SENP5: variants seen among roughly 807,000 people sequenced by gnomAD.
SENP5 encodes the protein SUMO specific peptidase 5.
SENP5 carries 21 observed loss-of-function variants against 74.2 expected under a neutral mutation model. The observed-to-expected ratio is 0.28, with a 90% CI of 0.20 to 0.41. SENP5 has a LOEUF of 0.41. Among genes scored for constraint, SENP5 ranks in the 10% least tolerant of loss-of-function variants. The pLI is 1.00. For missense variants in SENP5, 717 were observed against 889.1 expected, an observed-to-expected ratio of 0.81 and a Z score of 2.46; for synonymous variants, 311 against 312.7, an observed-to-expected ratio of 0.99 and a Z score of 0.06.
At chr3:196,878,156 A>G (rs1034565377) in intron 1 of SENP5, among the ~76,000 whole-genome samples, 1 of 152,222 alleles carries the variant, frequency 6.6e-6, no homozygotes, top group East Asian at 1.9e-4. Context: ...TCCTAAACCA[A>G]CAGTGGAGAG....
Position 196,885,669 on chromosome 3 carries a change from C to T in SENP5, c.488C>T (p.Pro163Leu). The T allele has an allele frequency of 1.2e-6, 2 of 1,614,218 alleles. No homozygotes were observed. Among genetic ancestry groups the T allele is most frequent in the African/African-American group, 1.3e-5 (1 of 75,066 alleles). Residue 163 changes from proline (P) to leucine (L), a missense_variant, in exon 2 of 10, where the codon CCT becomes CTT. This residue lies in a region of SENP5 where 567 missense variants were observed against 577.4 expected (regional missense o/e 0.98). Transcript: ENST00000323460. Reference protein sequence around the residue: ...NGHRPRTDPQPSDFPMKFNGE... With the variant: ...NGHRPRTDPQLSDFPMKFNGE... The stretch of plus-strand genomic sequence containing the variant: ...CACAGACCTAGGACAGACCCACAAC[C>T]TTCTGACTTTCCCATGAAGTTCAAT...
At chr3:196,893,909 C>CAAAAAAA (rs35131152) in intron 2 of SENP5, among the ~76,000 whole-genome samples, 1 of 119,886 alleles carries the variant, frequency 8.3e-6, no homozygotes, top group Non-Finnish European at 1.7e-5. Flanking sequence ...GACTCTGTCT[C>CAAAAAAA]AAAAAAAAAA....
intron 7 of SENP5, among the ~76,000 whole-genome samples, chr3:196,927,541 T>G (rs1363124112): frequency 6.6e-6 from 1 of 151,098 alleles, no homozygotes; most frequent in African/African-American, 2.4e-5. Context: ...AAGGCTGAGG[T>G]AGGAGGATCT....
chr3:196,870,881 G>A (rs1488575199), intron 1 of SENP5, among the ~76,000 whole-genome samples: 2 of 151,996 alleles, frequency 1.3e-5, no homozygotes, highest in Non-Finnish European at 2.9e-5. Context: ...GATTTAAAAA[G>A]TCATGTTGGC....
Position 196,930,839 on chromosome 3 carries a change from G to C in SENP5, c.2184G>C (p.Gln728His). The C allele has an allele frequency of 6.2e-7, 1 of 1,613,998 alleles. No homozygotes were observed. Residue 728 changes from glutamine (Q) to histidine (H), a missense_variant, in exon 10 of 10, where the codon CAG becomes CAC. Physicochemically the swap from Gln to His is conservative, Grantham distance 24 (BLOSUM62 0). Around this residue, in one of 4 missense-constraint regions of SENP5, gnomAD observed 85 missense variants for 188.9 expected, o/e 0.45. Transcript: ENST00000323460. ...ACTGCAAGTGCCTCGCCTTAGAGCA[G>C]CCTTTCCAGTTTTCACAAGAAGACA... ...LQYCKCLALE[Q>H]PFQFSQEDMP...
chr3:196,931,101 T>G lies in SENP5; in HGVS notation c.*178T>G, dbSNP rs1013221498. 1 of 576,622 alleles carries G rather than the reference T, an allele frequency of 1.7e-6. No homozygotes were observed. Among genetic ancestry groups the G allele is most frequent in the Non-Finnish European group, 3.1e-6 (1 of 322,066 alleles). 35.7% of individuals were successfully genotyped at this position (576,622 alleles called of 1,614,324 possible). A position where few individuals can be genotyped will look rare whatever the true frequency, so the allele number is the denominator to read the frequency against. ...TTTCTCCAGCTACCATGTACTATTG[T>G]TTAATGTTCAGTTTGGTTTCATTTT... is the stretch of plus-strand genomic sequence containing the variant. On this transcript the variant is annotated 3_prime_UTR_variant, in exon 10 of 10. Coordinates refer to ENST00000323460, the MANE Select transcript of SENP5 (RefSeq NM_152699.5).
chr3:196,885,891 C>T lies in SENP5; in HGVS notation c.710C>T (p.Ser237Phe). 1.9e-6 allele frequency: 3 copies of T among 1,613,594 alleles called. No homozygotes were observed. Among genetic ancestry groups the T allele is most frequent in the South Asian group, 2.2e-5 (2 of 91,000 alleles). The stretch of plus-strand genomic sequence containing the variant: ...CCTCTTATGATGTATGAGAAATTAT[C>T]CATGATTAGATTTCGGTACAGGATT... ...LSPLMMYEKL[S>F]MIRFRYRILR... Residue 237 changes from serine to phenylalanine, a missense_variant, in exon 2 of 10, where the codon TCC (serine) becomes TTC (phenylalanine). Physicochemically the swap from Ser to Phe is radical, Grantham distance 155 (BLOSUM62 -2). This residue lies in a region of SENP5 where 567 missense variants were observed against 577.4 expected (regional missense o/e 0.98). Transcript: ENST00000323460.
chr3:196,901,676 T>C (rs1472282328), intron 5 of SENP5, among the ~76,000 whole-genome samples: 2 of 152,252 alleles, frequency 1.3e-5, no homozygotes, highest in Non-Finnish European at 2.9e-5. Context: ...ACTTAAATTA[T>C]AAATCTGTTA....
chr3:196,922,590 A>G (rs1412056729), intron 6 of SENP5, among the ~76,000 whole-genome samples: 4 of 152,130 alleles, frequency 2.6e-5, no homozygotes, highest in African/African-American at 9.7e-5. Context: ...CTGGGACTGC[A>G]GGCATGCACC....
At chr3:196,898,972 G>C (rs1714581758) in intron 2 of SENP5, among the ~76,000 whole-genome samples, 1 of 151,762 alleles carries the variant, frequency 6.6e-6, no homozygotes, top group Non-Finnish European at 1.5e-5. Context: ...ACAGCTATTT[G>C]GGAGGATGAG....
chr3:196,924,994 A>G (rs1715758201), intron 7 of SENP5, among the ~76,000 whole-genome samples: 1 of 152,184 alleles, frequency 6.6e-6, no homozygotes, highest in Admixed American at 6.5e-5. Context: ...CAATTGTGGA[A>G]TGATACGGTA....
intron 6 of SENP5, chr3:196,904,945 A>T: frequency 6.6e-6 from 1 of 151,974 alleles, no homozygotes; most frequent in East Asian, 1.9e-4. Flanking sequence ...ATTTTTTGAG[A>T]TGGAGTCTTT....
At chr3:196,887,917 G>A (rs953128230) in intron 2 of SENP5, among the ~76,000 whole-genome samples, 1 of 151,898 alleles carries the variant, frequency 6.6e-6, no homozygotes. Context: ...ACAGGCACAC[G>A]CTACCATGCC....
At chr3:196,893,053 CAG>C (rs1714281048) in intron 2 of SENP5, among the ~76,000 whole-genome samples, 1 of 152,272 alleles carries the variant, frequency 6.6e-6, no homozygotes, top group Non-Finnish European at 1.5e-5. Flanking sequence ...GAAATACACT[CAG>C]AAATGGAATT....
At chr3:196,917,969 A>G (rs1715450401) in intron 6 of SENP5, among the ~76,000 whole-genome samples, 1 of 152,208 alleles carries the variant, frequency 6.6e-6, no homozygotes, top group South Asian at 2.1e-4. Flanking sequence ...TACAAAGCCT[A>G]TCAAAAATTA....
chr3:196,880,386 A>G (rs1386943715), intron 1 of SENP5, among the ~76,000 whole-genome samples: 1 of 152,216 alleles, frequency 6.6e-6, no homozygotes, highest in African/African-American at 2.4e-5. Flanking sequence ...TGGCCTCTCC[A>G]ATGTTATAGA....
chr3:196,885,249 C>G lies in SENP5; in HGVS notation c.68C>G (p.Thr23Ser). ...TTAGCCTTTTCTGAGAAATGGAATA[C>G]TGGGTTTGGAGGCTTTAAGAAGTTT... ...IHLAFSEKWN[T>S]GFGGFKKFYF... Residue 23 changes from threonine (T) to serine (S), a missense_variant, in exon 2 of 10, where the codon ACT (threonine) becomes AGT (serine). Transcript: ENST00000323460. 1 of 1,614,022 alleles carries G rather than the reference C, an allele frequency of 6.2e-7. No homozygotes were observed. Among genetic ancestry groups the G allele is most frequent in the South Asian group, 1.1e-5 (1 of 91,044 alleles).
At chr3:196,905,364 G>A (rs1210382014) in intron 6 of SENP5, 1 of 152,168 alleles carries the variant, frequency 6.6e-6, no homozygotes, top group African/African-American at 2.4e-5. Flanking sequence ...ATTCAATTCC[G>A]ACCTGTCTAC....
rs183757052 is a variant in SENP5 at position 196,930,112 on chromosome 3, A to C, written c.2157+429A>C. On this transcript the variant is annotated intron_variant, in intron 9 of 9. Transcript: ENST00000323460. The stretch of plus-strand genomic sequence containing the variant: ...CTGTAGATCTCCTTAGAGATCGAAA[A>C]GGGCTATGGAAAAAAATTCAGTTAT... 3.7e-4 allele frequency among the ~76,000 whole-genome samples: 57 copies of C among 152,258 alleles called. No individual in the cohort carries two copies. In the East Asian group the frequency reaches 0.011, roughly 28 times the overall value.
Sources: gnomAD v4.1 joint callset for allele counts (sites outside exome capture counted in the v4.1 genomes callset) on GRCh38, gnomAD v4.1.1 for gene constraint, gnomAD v4.1.1 regional missense constraint, MANE v1.5 for transcripts, NCBI Gene and HGNC (gene_info 2026-07-23, HGNC 2026-07-21) for gene names.